Variants in RHOBTB2 observed in about 807,000 individuals in gnomAD.
The protein encoded by RHOBTB2 is rho-related BTB domain-containing protein 2.
RHOBTB2 carries 39 observed loss-of-function variants against 66.5 expected under a neutral mutation model. The observed-to-expected ratio is 0.59, with a 90% CI of 0.45 to 0.77. RHOBTB2 has a LOEUF of 0.77. RHOBTB2 is among the 30% of genes least tolerant of loss of function. The pLI is 0.00. For synonymous variants in RHOBTB2, 390 were observed against 395.0 expected (o/e 0.99, Z 0.15); for missense variants, 755 against 999.1 (o/e 0.76, Z 3.29).
At chr8:22,994,582 C>T (rs1361786204), upstream of RHOBTB2, 9 of 1,551,062 alleles carry the variant, frequency 5.8e-6, no homozygotes, top group Admixed American at 2.0e-5. Flanking sequence ...GAACACAGAG[C>T]GATGCAAGCC....
At chr8:22,985,729 A>C (rs1260026697), upstream of RHOBTB2, among the ~76,000 whole-genome samples, 1 of 152,204 alleles carries the variant, frequency 6.6e-6, no homozygotes, top group Non-Finnish European at 1.5e-5. Context: ...CCTGATGAGA[A>C]GGCAGAGGAT....
At chr8:22,972,351 T>C in the RHOBTB2 span, among the ~76,000 whole-genome samples, 1 of 152,214 alleles carries the variant, frequency 6.6e-6, no homozygotes, top group Non-Finnish European at 1.5e-5. Flanking sequence ...ATTTTAAATA[T>C]CATTTAATGG....
intron 2 of RHOBTB2, chr8:22,994,449 A>T: frequency 1.6e-6 from 1 of 636,204 alleles, no homozygotes; most frequent in Non-Finnish European, 2.8e-6. Context: ...TGTCCTGAGT[A>T]GGGCCCTCTA....
intron 1 of RHOBTB2, among the ~76,000 whole-genome samples, chr8:22,988,624 A>G (rs1403517424): frequency 6.6e-6 from 1 of 151,734 alleles, no homozygotes; most frequent in Non-Finnish European, 1.5e-5. Context: ...CAGCCCCCCA[A>G]ATTTTGTTCC....
At chr8:22,982,785 A>G (rs1453772966), upstream of RHOBTB2, among the ~76,000 whole-genome samples, 1 of 152,232 alleles carries the variant, frequency 6.6e-6, no homozygotes, top group African/African-American at 2.4e-5. Context: ...GGTGACTTAT[A>G]AACAGAAATT....
chr8:22,959,987 AG>A, the RHOBTB2 span, among the ~76,000 whole-genome samples: 1 of 138,104 alleles, frequency 7.2e-6, no homozygotes, highest in Non-Finnish European at 1.5e-5. Context: ...AACATGGTGA[AG>A]CCCCATCTCT....
the RHOBTB2 span, among the ~76,000 whole-genome samples, chr8:22,962,256 G>GA: frequency 5.4e-3 from 618 of 114,618 alleles, 7 homozygotes; most frequent in African/African-American, 0.016. Context: ...AAATTAAAAT[G>GA]AAAAAAAAAA....
chr8:23,001,807 C>T lies in RHOBTB2; in HGVS notation c.-11+1702C>T, dbSNP rs182770155. Among the ~76,000 whole-genome samples, 613 of 151,622 alleles carry T rather than the reference C, an allele frequency of 4.0e-3. 4 individuals are homozygous for T. Among genetic ancestry groups the T allele is most frequent in the African/African-American group, 0.014 (566 of 40,932 alleles). On this transcript the variant is annotated intron_variant, in intron 1 of 9. Coordinates refer to ENST00000251822, the MANE Select transcript of RHOBTB2 (RefSeq NM_015178.3). Reference sequence around the variant, plus strand: ...GGTAGAAAGGGTGAGATGATACAAACAGAGAGGCAGCTGAAGGACAAGGGG... The same window carrying T: ...GGTAGAAAGGGTGAGATGATACAAATAGAGAGGCAGCTGAAGGACAAGGGG...
At chr8:22,961,562 T>C in the RHOBTB2 span, among the ~76,000 whole-genome samples, 1 of 152,188 alleles carries the variant, frequency 6.6e-6, no homozygotes, top group African/African-American at 2.4e-5. Context: ...CTCATTGGTC[T>C]TTGTTTTTGT....
the RHOBTB2 span, among the ~76,000 whole-genome samples, chr8:22,981,218 T>A: frequency 6.6e-6 from 1 of 152,250 alleles, no homozygotes; most frequent in African/African-American, 2.4e-5. Context: ...CTGGCACACC[T>A]GCCAGAACTC....
At chr8:22,983,741 GT>G (rs993269595), upstream of RHOBTB2, among the ~76,000 whole-genome samples, 23 of 146,442 alleles carry the variant, frequency 1.6e-4, no homozygotes, top group South Asian at 4.3e-4. Context: ...AGTGTAACGT[GT>G]TTTTTTTTTT....
Position 22,999,566 on chromosome 8 carries a change from C to T in RHOBTB2, c.-550C>T. On this transcript the variant is annotated 5_prime_UTR_variant, in exon 1 of 10. Coordinates refer to ENST00000251822, the MANE Select transcript of RHOBTB2 (RefSeq NM_015178.3). ...AGTGGGCGGGGCCCGTCACGGCTGT[C>T]GTCTTGGGTGCGATTTTTTTCTCCT... 2 of 1,208,900 alleles carry T rather than the reference C, an allele frequency of 1.7e-6. No homozygotes were observed. Among genetic ancestry groups the T allele is most frequent in the Non-Finnish European group, 2.1e-6 (2 of 955,376 alleles). The allele number at this position is 1,208,900 out of a possible 1,614,324, so 74.9% of individuals were successfully genotyped here.
chr8:22,960,257 T>A, the RHOBTB2 span, among the ~76,000 whole-genome samples: 1 of 152,036 alleles, frequency 6.6e-6, no homozygotes, highest in South Asian at 2.1e-4. Context: ...AATGCTTTTA[T>A]AAGAAAGTTT....
the RHOBTB2 span, among the ~76,000 whole-genome samples, chr8:22,968,154 C>CA: frequency 1.4e-3 from 161 of 114,078 alleles, no homozygotes; most frequent in East Asian, 1.7e-3. Context: ...GACCCTGTCT[C>CA]AAAAAAAAAA....
At position 23,015,511 on chromosome 8, in the gene RHOBTB2, T is replaced by C. The variant is rs1234191121; in HGVS notation, c.1861-127T>C. ...GTGTGGCCTTGCCTCTGGCGCAGGCTCTCTAGAACTGCAGGGCCTCTGCGT... is the reference window on the plus strand; with the variant it reads ...GTGTGGCCTTGCCTCTGGCGCAGGCCCTCTAGAACTGCAGGGCCTCTGCGT... On this transcript the variant is annotated intron_variant, in intron 8 of 9. Coordinates refer to ENST00000251822, the MANE Select transcript of RHOBTB2 (RefSeq NM_015178.3). 3.0e-5 allele frequency: 19 copies of C among 626,276 alleles called. No individual in the cohort carries two copies. The East Asian group carries it at 5.4e-4, about 18-fold the overall frequency. The allele number at this position is 626,276 out of a possible 1,614,324, so 38.8% of individuals were successfully genotyped here.
At chr8:22,965,421 G>GA in the RHOBTB2 span, among the ~76,000 whole-genome samples, 51 of 151,420 alleles carry the variant, frequency 3.4e-4, no homozygotes, top group African/African-American at 1.1e-3. Flanking sequence ...TGCAGAAATA[G>GA]AAAAAAAATT....
the RHOBTB2 span, among the ~76,000 whole-genome samples, chr8:22,972,760 C>T: frequency 1.3e-5 from 2 of 152,224 alleles, no homozygotes; most frequent in Non-Finnish European, 2.9e-5. Context: ...CTGACCTGCT[C>T]CCCTGGCTGC....
At chr8:23,011,327 A>G (rs1006331927) in intron 7 of RHOBTB2, among the ~76,000 whole-genome samples, 1 of 152,224 alleles carries the variant, frequency 6.6e-6, no homozygotes, top group Admixed American at 6.5e-5. Context: ...GACAAGCTTA[A>G]GAAGTCAAAA....
At chr8:22,988,091 A>G (rs1810326746) in intron 1 of RHOBTB2, among the ~76,000 whole-genome samples, 1 of 150,184 alleles carries the variant, frequency 6.7e-6, no homozygotes. Flanking sequence ...TGCCCACTCT[A>G]TCTCCTGCCC....
Sources: gnomAD v4.1 joint callset for allele counts (sites outside exome capture counted in the v4.1 genomes callset) on GRCh38, gnomAD v4.1.1 for gene constraint, MANE v1.5 for transcripts, NCBI Gene and HGNC (gene_info 2026-07-23, HGNC 2026-07-21) for gene names.